Variants in MARCHF1 observed in about 807,000 individuals in gnomAD.
The protein encoded by MARCHF1 is membrane associated ring-CH-type finger 1, also known as E3 ubiquitin-protein ligase MARCHF1.
MARCHF1 carries 40 observed loss-of-function variants against 54.2 expected under a neutral mutation model. The ratio of observed to expected loss-of-function variants is 0.74; its 90% CI spans 0.57 to 0.96. The LOEUF is 0.96. MARCHF1 is among the 40% of genes least tolerant of loss of function. MARCHF1 has a pLI of 0.00. For synonymous variants in MARCHF1, 236 were observed against 236.3 expected (o/e 1.00, Z 0.01); for missense variants, 586 against 656.5 (o/e 0.89, Z 1.17).
intron 1 of MARCHF1, chr4:164,189,835 C>T: frequency 1.9e-6 from 3 of 1,595,660 alleles, no homozygotes; most frequent in Non-Finnish European, 1.7e-6. Flanking sequence ...ACTGGAATTC[C>T]TCCTGCTCCT....
At position 163,663,943 on chromosome 4, in the gene MARCHF1, TA is replaced by T. The variant is rs554625763; in HGVS notation, c.162+36869del. Among the ~76,000 whole-genome samples, 609 of 141,332 alleles carry T rather than the reference TA, an allele frequency of 4.3e-3. 1 individual carries two copies. Among genetic ancestry groups the T allele is most frequent in the Admixed American group, 6.6e-3 (93 of 14,158 alleles). 92.7% of individuals were successfully genotyped at this position (141,332 alleles called of 152,430 possible). On this transcript the variant is annotated intron_variant, in intron 5 of 9. Coordinates refer to ENST00000514618, the MANE Select transcript of MARCHF1 (RefSeq NM_001394959.1). ...CATGTACTTGAAAAAATGGGGCAGC[TA>T]AAAAAAAAAAACTGCCAAAAACATC...
chr4:164,053,171 G>C (rs935609420), intron 2 of MARCHF1, among the ~76,000 whole-genome samples: 15 of 152,066 alleles, frequency 9.9e-5, no homozygotes, highest in East Asian at 9.6e-4. Flanking sequence ...ACAGTGAAAA[G>C]CTCTTTTAAA....
chr4:164,169,196 C>T (rs1425009375), intron 1 of MARCHF1, among the ~76,000 whole-genome samples: 1 of 152,090 alleles, frequency 6.6e-6, no homozygotes, highest in Non-Finnish European at 1.5e-5. Context: ...CTCAACCATA[C>T]ACAATACAAT....
intron 3 of MARCHF1, among the ~76,000 whole-genome samples, chr4:163,919,749 A>G (rs55929332): frequency 0.11 from 16,147 of 152,130 alleles, 906 homozygotes; most frequent in Non-Finnish European, 0.13. Context: ...AATAATTCAA[A>G]ATATCCAGAG....
intron 1 of MARCHF1, among the ~76,000 whole-genome samples, chr4:164,325,351 A>G (rs1735247375): frequency 6.7e-6 from 1 of 149,596 alleles, no homozygotes; most frequent in African/African-American, 2.4e-5. Context: ...ATATATATAT[A>G]TATATTTGCA....
At chr4:164,368,679 G>A (rs1730947459) in intron 1 of MARCHF1, among the ~76,000 whole-genome samples, 1 of 152,148 alleles carries the variant, frequency 6.6e-6, no homozygotes, top group African/African-American at 2.4e-5. Flanking sequence ...TGCAGGGACT[G>A]TGTATTATTA....
chr4:163,732,765 G>A (rs1310519555), intron 4 of MARCHF1, among the ~76,000 whole-genome samples: 1 of 152,042 alleles, frequency 6.6e-6, no homozygotes, highest in East Asian at 1.9e-4. Context: ...CTTTTACCCA[G>A]TAAAAATGTC....
At chr4:164,276,917 G>C (rs1207881114) in intron 1 of MARCHF1, among the ~76,000 whole-genome samples, 1 of 131,210 alleles carries the variant, frequency 7.6e-6, no homozygotes, top group African/African-American at 2.7e-5. Context: ...ATAATGATTA[G>C]GGAAATGTCT....
At chr4:163,999,661 T>C (rs1368196606) in intron 2 of MARCHF1, among the ~76,000 whole-genome samples, 3 of 151,568 alleles carry the variant, frequency 2.0e-5, no homozygotes, top group East Asian at 1.9e-4. Context: ...ATTTGAATTA[T>C]TGTATTGAAG....
chr4:164,349,827 C>T (rs938456748), intron 1 of MARCHF1, among the ~76,000 whole-genome samples: 7 of 152,166 alleles, frequency 4.6e-5, no homozygotes, highest in East Asian at 1.9e-4. Context: ...GGTATTTAAA[C>T]TTATCCACTC....
rs547616443 is a variant in MARCHF1, at chr4:164,164,219, GTAA to G, written c.-322-52560_-322-52558del. Among the ~76,000 whole-genome samples the G allele has an allele frequency of 9.2e-5, 14 of 151,734 alleles. No individual in the cohort carries two copies. The South Asian group carries it at 2.9e-3, about 31-fold the overall frequency. The stretch of plus-strand genomic sequence containing the variant: ...GAAGCCCAATGTAAGCAGAATAAAA[GTAA>G]TAATAAATATTAGAGGAGAAATCAA... On this transcript the variant is annotated intron_variant, in intron 1 of 9. Coordinates refer to ENST00000514618, the MANE Select transcript of MARCHF1 (RefSeq NM_001394959.1).
chr4:164,035,984 T>A (rs2111005713), intron 2 of MARCHF1, among the ~76,000 whole-genome samples: 1 of 145,276 alleles, frequency 6.9e-6, no homozygotes, highest in African/African-American at 2.5e-5. Flanking sequence ...GTACCTGTAA[T>A]CCCAGCTACT....
intron 8 of MARCHF1, among the ~76,000 whole-genome samples, chr4:163,571,928 G>C: frequency 6.6e-6 from 1 of 151,940 alleles, no homozygotes; most frequent in East Asian, 1.9e-4. Context: ...CAACTTATAA[G>C]GAAAAAAGTA....
intron 3 of MARCHF1, among the ~76,000 whole-genome samples, chr4:163,980,916 C>T (rs1457938399): frequency 1.3e-5 from 2 of 152,110 alleles, no homozygotes; most frequent in African/African-American, 2.4e-5. Context: ...ACATGTTAAA[C>T]ATAACAACTT....
At chr4:163,852,010 AG>A (rs1377089000) in intron 4 of MARCHF1, among the ~76,000 whole-genome samples, 1 of 152,194 alleles carries the variant, frequency 6.6e-6, no homozygotes, top group Non-Finnish European at 1.5e-5. Flanking sequence ...AAGTGTATAG[AG>A]GTTATCCCTG....
At chr4:164,073,733 C>A (rs1220204225) in intron 2 of MARCHF1, among the ~76,000 whole-genome samples, 1 of 152,072 alleles carries the variant, frequency 6.6e-6, no homozygotes, top group Non-Finnish European at 1.5e-5. Context: ...TTAACCACCA[C>A]TAAATTTTGA....
At chr4:164,303,419 T>C (rs959695397) in intron 1 of MARCHF1, among the ~76,000 whole-genome samples, 1 of 152,216 alleles carries the variant, frequency 6.6e-6, no homozygotes, top group African/African-American at 2.4e-5. Context: ...GAAGCTAAAC[T>C]ATTGGACTAG....
intron 7 of MARCHF1, 90 bp from the exon 8 acceptor site, chr4:163,586,019 AT>A: frequency 8.9e-7 from 1 of 1,127,042 alleles, no homozygotes. Flanking sequence ...TAGGGCTATT[AT>A]AAACCGCAAC....
intron 1 of MARCHF1, among the ~76,000 whole-genome samples, chr4:164,252,702 T>A (rs1391778138): frequency 6.6e-6 from 1 of 152,138 alleles, no homozygotes; most frequent in Non-Finnish European, 1.5e-5. Flanking sequence ...CAAGTTAATA[T>A]CCTCAGAGAT....
Sources: gnomAD v4.1 joint callset for allele counts (sites outside exome capture counted in the v4.1 genomes callset) on GRCh38, gnomAD v4.1.1 for gene constraint, MANE v1.5 for transcripts, NCBI Gene and HGNC (gene_info 2026-07-23, HGNC 2026-07-21) for gene names.